The following RBFOX2 variants were observed in gnomAD, a reference collection of about 807,000 sequenced individuals.
The protein encoded by RBFOX2 is RNA binding protein fox-1 homolog 2.
A neutral mutation model predicts 49.1 loss-of-function variants in RBFOX2; 10 were observed. That is an observed-to-expected ratio of 0.20 (90% confidence interval 0.13 to 0.35). The LOEUF (loss-of-function observed/expected upper bound fraction) is 0.35, where lower values mean the gene tolerates loss of function less well. Ranked by LOEUF, RBFOX2 falls within the 10% of genes least tolerant of loss-of-function variation. RBFOX2 has a pLI of 1.00. For missense variants in RBFOX2, 323 were observed against 486.9 expected, an observed-to-expected ratio of 0.66 and a Z score of 3.17; for synonymous variants, 183 against 187.4, an observed-to-expected ratio of 0.98 and a Z score of 0.19.
At chr22:35,881,582 C>CAA (rs1334437471) in intron 1 of RBFOX2, among the ~76,000 whole-genome samples, 2 of 111,250 alleles carry the variant, frequency 1.8e-5, no homozygotes, top group Middle Eastern at 6.0e-3. Context: ...ACTCTGTCTC[C>CAA]AAAAAAAAAA....
chr22:36,021,899 T>G (rs892074742), intron 1 of RBFOX2, among the ~76,000 whole-genome samples: 3 of 152,156 alleles, frequency 2.0e-5, no homozygotes, highest in East Asian at 3.9e-4. Flanking sequence ...CTGCTTGTAT[T>G]GGGGTTGTAG....
intron 1 of RBFOX2, among the ~76,000 whole-genome samples, chr22:35,885,184 G>A (rs2046406953): frequency 6.6e-6 from 1 of 151,776 alleles, no homozygotes; most frequent in South Asian, 2.1e-4. Flanking sequence ...TATAGCAGAG[G>A]AGAACACAGA....
chr22:35,886,530 G>T (rs987526792), intron 1 of RBFOX2, among the ~76,000 whole-genome samples: 2 of 152,126 alleles, frequency 1.3e-5, no homozygotes, highest in Non-Finnish European at 2.9e-5. Flanking sequence ...AAACTCAGAT[G>T]GCCTAGCCTA....
rs114458910 is a variant in RBFOX2 at position 35,930,946 on chromosome 22, T to G, written c.-34+7901A>C. ...GAAACAGCAGAATAAGCATATTACT[T>G]AGCATGGCAGTGAGCAGCAGAAGAA... On this transcript the variant is annotated intron_variant, in intron 1 of 13. Transcript: ENST00000359369. Among the ~76,000 whole-genome samples, 552 of 152,366 alleles carry G rather than the reference T, an allele frequency of 3.6e-3. 2 individuals are homozygous for G. Among genetic ancestry groups the G allele is most frequent in the African/African-American group, 0.011 (475 of 41,572 alleles).
upstream of RBFOX2, among the ~76,000 whole-genome samples, chr22:35,964,611 T>G (rs1215183782): frequency 1.3e-5 from 2 of 152,218 alleles, no homozygotes. Flanking sequence ...ATTTGTTGGT[T>G]TTAATCCACA....
At chr22:35,754,420 A>C (rs1569244906) in intron 9 of RBFOX2, among the ~76,000 whole-genome samples, 1 of 152,206 alleles carries the variant, frequency 6.6e-6, no homozygotes, top group Non-Finnish European at 1.5e-5. Context: ...TAAGACATAA[A>C]TAGGTTGTAT....
chr22:36,027,079 G>C (rs1025634190), intron 1 of RBFOX2, among the ~76,000 whole-genome samples: 2 of 150,220 alleles, frequency 1.3e-5, no homozygotes, highest in African/African-American at 2.5e-5. Flanking sequence ...CTGGACTTCT[G>C]ATTCCCCATC....
intron 1 of RBFOX2, among the ~76,000 whole-genome samples, chr22:35,816,927 AT>A (rs942975800): frequency 5.9e-5 from 9 of 152,144 alleles, no homozygotes; most frequent in Non-Finnish European, 1.3e-4. Context: ...ACCATATTTT[AT>A]TGCGTATAAC....
At chr22:35,771,641 CTGTTCTTAA>C (rs1029861274) in intron 4 of RBFOX2, among the ~76,000 whole-genome samples, 9 of 152,150 alleles carry the variant, frequency 5.9e-5, no homozygotes, top group Non-Finnish European at 1.2e-4. Flanking sequence ...TTTTGAAGTA[CTGTTCTTAA>C]ATACTTTTCT....
Position 36,007,388 on chromosome 22 carries a change from T to G in RBFOX2, c.186+20852A>C, listed in dbSNP as rs567151517. 2.0e-5 allele frequency among the ~76,000 whole-genome samples: 3 copies of G among 152,232 alleles called. No homozygotes were observed. In the South Asian group the frequency reaches 6.2e-4, roughly 32 times the overall value. ...CCATGCGCCACCACACAAGTACTAT[T>G]TTTTATTTGTGGTAAGCAGAATTGG... is the stretch of plus-strand genomic sequence containing the variant. On this transcript the variant is annotated intron_variant, in intron 1 of 13. Coordinates refer to the RBFOX2 transcript ENST00000438146.
chr22:35,805,849 A>G (rs949522396), intron 2 of RBFOX2, among the ~76,000 whole-genome samples: 13 of 152,302 alleles, frequency 8.5e-5, no homozygotes, highest in African/African-American at 2.9e-4. Context: ...ACTTAAATGC[A>G]TATTACTAAG....
intron 2 of RBFOX2, among the ~76,000 whole-genome samples, chr22:35,800,799 A>G (rs1021457370): frequency 6.6e-6 from 1 of 152,228 alleles, no homozygotes; most frequent in East Asian, 1.9e-4. Flanking sequence ...TTTTTCTTTA[A>G]AAGTTTAAAA....
chr22:35,940,529 T>G (rs966594662), upstream of RBFOX2, among the ~76,000 whole-genome samples: 2 of 152,276 alleles, frequency 1.3e-5, no homozygotes, highest in South Asian at 4.2e-4. Context: ...CTGGAAACAG[T>G]TGGATAGTCC....
chr22:35,817,284 C>T (rs1953308239), intron 1 of RBFOX2, among the ~76,000 whole-genome samples: 1 of 152,002 alleles, frequency 6.6e-6, no homozygotes. Context: ...TCAAGACCAG[C>T]CTGGCCAACG....
At chr22:35,946,960 G>A (rs1207794379) in intron 1 of RBFOX2, among the ~76,000 whole-genome samples, 1 of 152,202 alleles carries the variant, frequency 6.6e-6, no homozygotes, top group Non-Finnish European at 1.5e-5. Context: ...GGGAGGCCGA[G>A]GAGGGAGGAT....
At chr22:35,940,132 G>A (rs1367376779), upstream of RBFOX2, among the ~76,000 whole-genome samples, 2 of 152,164 alleles carry the variant, frequency 1.3e-5, no homozygotes, top group East Asian at 3.8e-4. Flanking sequence ...ATATTTGATA[G>A]TCAAAAGCAT....
At chr22:35,925,923 G>C (rs2149628498) in intron 1 of RBFOX2, among the ~76,000 whole-genome samples, 1 of 152,292 alleles carries the variant, frequency 6.6e-6, no homozygotes, top group African/African-American at 2.4e-5. Flanking sequence ...AGTATTTTCT[G>C]GTGGTACCAA....
intron 2 of RBFOX2, among the ~76,000 whole-genome samples, chr22:35,796,822 G>GA (rs1339661653): frequency 1.3e-4 from 20 of 152,236 alleles, no homozygotes; most frequent in South Asian, 2.1e-4. Flanking sequence ...GATCTCATCA[G>GA]AAAAAATCTT....
intron 1 of RBFOX2, among the ~76,000 whole-genome samples, chr22:35,816,990 T>C (rs1011756631): frequency 6.6e-6 from 1 of 152,104 alleles, no homozygotes; most frequent in Non-Finnish European, 1.5e-5. Flanking sequence ...CCTTTCCCCA[T>C]AGATTAGGAT....
Sources: gnomAD v4.1 joint callset for allele counts (sites outside exome capture counted in the v4.1 genomes callset) on GRCh38, gnomAD v4.1.1 for gene constraint, MANE v1.5 for transcripts, NCBI Gene and HGNC (gene_info 2026-07-23, HGNC 2026-07-21) for gene names.